DDAH1: variants seen among roughly 807,000 people sequenced by gnomAD.
DDAH1 encodes the protein N(G),N(G)-dimethylarginine dimethylaminohydrolase 1.
A neutral mutation model predicts 28.8 loss-of-function variants in DDAH1; 19 were observed. The ratio of observed to expected loss-of-function variants is 0.66; its 90% CI spans 0.46 to 0.97. The LOEUF is 0.97. DDAH1 is among the 50% of genes least tolerant of loss of function. The pLI, the probability that DDAH1 is intolerant of heterozygous loss-of-function variation, is 0.00. For missense variants in DDAH1, 326 were observed against 375.9 expected (o/e 0.87, Z 1.10); for synonymous variants, 153 against 154.4 (o/e 0.99, Z 0.07).
At chr1:85,441,450 A>T (rs1180928749) in intron 1 of DDAH1, among the ~76,000 whole-genome samples, 1 of 152,176 alleles carries the variant, frequency 6.6e-6, no homozygotes, top group East Asian at 1.9e-4. Context: ...CTGAGGTAGG[A>T]AAATCACCAG....
chr1:85,433,270 A>G (rs1189899712), intron 1 of DDAH1, among the ~76,000 whole-genome samples: 1 of 152,138 alleles, frequency 6.6e-6, no homozygotes, highest in Non-Finnish European at 1.5e-5. Flanking sequence ...AGGCTGGCAG[A>G]CCTAGGAAGA....
At chr1:85,500,820 A>ATT (rs140051858) in intron 1 of DDAH1, among the ~76,000 whole-genome samples, 4 of 145,128 alleles carry the variant, frequency 2.8e-5, no homozygotes, top group Admixed American at 1.4e-4. Flanking sequence ...CAATGTCACT[A>ATT]TTTTTTTTTC....
At chr1:85,478,623 G>T (rs1243610656) in intron 2 of DDAH1, among the ~76,000 whole-genome samples, 1 of 152,160 alleles carries the variant, frequency 6.6e-6, no homozygotes. Context: ...CAACATGTGG[G>T]GATTATGGGA....
At chr1:85,332,062 A>T (rs527771259) in intron 4 of DDAH1, among the ~76,000 whole-genome samples, 1 of 152,300 alleles carries the variant, frequency 6.6e-6, no homozygotes, top group East Asian at 1.9e-4. Flanking sequence ...AGGACCCTGA[A>T]ACTGGTATTC....
chr1:85,483,834 ACT>A (rs1033069987), intron 2 of DDAH1, among the ~76,000 whole-genome samples: 28 of 152,164 alleles, frequency 1.8e-4, no homozygotes, highest in African/African-American at 5.3e-4. Context: ...TCAGCCCAAC[ACT>A]CGCTCTGATT....
intron 2 of DDAH1, among the ~76,000 whole-genome samples, chr1:85,474,556 T>C (rs1655729630): frequency 6.6e-6 from 1 of 152,224 alleles, no homozygotes; most frequent in East Asian, 1.9e-4. Flanking sequence ...CATCACTCTA[T>C]TCAAGAAGAC....
intron 1 of DDAH1, among the ~76,000 whole-genome samples, chr1:85,544,768 A>G (rs577776219): frequency 4.6e-5 from 7 of 152,224 alleles, no homozygotes; most frequent in Admixed American, 1.3e-4. Flanking sequence ...ACTATCAGGA[A>G]ACTGCTCGTG....
chr1:85,420,299 T>C (rs1653081597), intron 1 of DDAH1, among the ~76,000 whole-genome samples: 1 of 152,226 alleles, frequency 6.6e-6, no homozygotes, highest in Non-Finnish European at 1.5e-5. Flanking sequence ...CAAATTTCTC[T>C]AGCAAGTGGT....
intron 2 of DDAH1, among the ~76,000 whole-genome samples, chr1:85,475,604 C>T (rs1655771072): frequency 2.6e-5 from 4 of 152,190 alleles, no homozygotes; most frequent in Admixed American, 2.6e-4. Context: ...ATAGGCATAA[C>T]TCTTAGAAAA....
intron 4 of DDAH1, among the ~76,000 whole-genome samples, chr1:85,336,012 TAAAAAAC>T (rs1557477824): frequency 7.9e-6 from 1 of 125,936 alleles, no homozygotes; most frequent in Non-Finnish European, 1.8e-5. Flanking sequence ...TAAAATAAAA[TAAAAAAC>T]AAATGTCATT....
intron 1 of DDAH1, among the ~76,000 whole-genome samples, chr1:85,531,491 C>A (rs1371293542): frequency 6.6e-6 from 1 of 152,228 alleles, no homozygotes; most frequent in African/African-American, 2.4e-5. Flanking sequence ...TGGGGAATAA[C>A]AAGACCTACC....
intron 1 of DDAH1, among the ~76,000 whole-genome samples, chr1:85,562,364 T>C (rs1659166018): frequency 1.3e-5 from 2 of 152,224 alleles, no homozygotes; most frequent in South Asian, 4.1e-4. Flanking sequence ...CCAGTCATGT[T>C]TGTTCCCTTT....
chr1:85,564,135 G>A (rs548204814), intron 1 of DDAH1, among the ~76,000 whole-genome samples: 1 of 152,162 alleles, frequency 6.6e-6, no homozygotes, highest in East Asian at 1.9e-4. Context: ...TTGCACCATT[G>A]AGCTCCAGCC....
At chr1:85,538,899 C>A (rs1658380142) in intron 1 of DDAH1, among the ~76,000 whole-genome samples, 1 of 152,058 alleles carries the variant, frequency 6.6e-6, no homozygotes, top group African/African-American at 2.4e-5. Context: ...GAGAAACGTT[C>A]CAAACGTTCA....
chr1:85,535,389 C>T (rs527525104), intron 1 of DDAH1, among the ~76,000 whole-genome samples: 3 of 124,562 alleles, frequency 2.4e-5, no homozygotes, highest in Non-Finnish European at 3.3e-5. Flanking sequence ...AAATCCCGCA[C>T]GTTCTAGTTT....
intron 1 of DDAH1, among the ~76,000 whole-genome samples, chr1:85,413,863 T>C (rs1002528422): frequency 6.6e-6 from 1 of 152,224 alleles, no homozygotes; most frequent in African/African-American, 2.4e-5. Flanking sequence ...ATTTCTTAAG[T>C]CTTTGGGTAG....
intron 1 of DDAH1, among the ~76,000 whole-genome samples, chr1:85,572,625 A>T (rs969278654): frequency 2.0e-5 from 3 of 152,226 alleles, no homozygotes; most frequent in Non-Finnish European, 4.4e-5. Context: ...GGCCCCATAG[A>T]TGCTTCCAAC....
At chr1:85,510,736 A>T (rs1277101296) in intron 1 of DDAH1, among the ~76,000 whole-genome samples, 1 of 152,238 alleles carries the variant, frequency 6.6e-6, no homozygotes, top group African/African-American at 2.4e-5. Flanking sequence ...ACCAACAAAG[A>T]TCAAAAGAGA....
chr1:85,509,910 ACT>A (rs914630757), intron 1 of DDAH1, among the ~76,000 whole-genome samples: 2 of 152,194 alleles, frequency 1.3e-5, no homozygotes, highest in African/African-American at 4.8e-5. Context: ...GTTGGAAAAC[ACT>A]CTTCAGGATA....
Sources: allele counts gnomAD v4.1 joint callset (sites outside exome capture counted in the v4.1 genomes callset), GRCh38; gene constraint gnomAD v4.1.1; transcripts MANE v1.5; gene names NCBI Gene and HGNC (gene_info 2026-07-23, HGNC 2026-07-21).